The following FRMD4A variants were observed in gnomAD, a reference collection of about 807,000 sequenced individuals.
The protein encoded by FRMD4A is FERM domain containing 4A, also known as FERM domain-containing protein 4A.
In FRMD4A, 29 loss-of-function variants were observed where a neutral mutation model predicts 129.1. The observed-to-expected ratio is 0.22, with a 90% CI of 0.17 to 0.31. The LOEUF (loss-of-function observed/expected upper bound fraction) is 0.31. FRMD4A is among the 10% of genes least tolerant of loss of function. The pLI is 1.00. For missense variants in FRMD4A, 1,272 were observed against 1,375.8 expected, an observed-to-expected ratio of 0.92 and a Z score of 1.19; for synonymous variants, 634 against 571.6, an observed-to-expected ratio of 1.11 and a Z score of -1.56.
intron 12 of FRMD4A, among the ~76,000 whole-genome samples, chr10:13,713,999 C>CATATATAAAAT (rs1366210358): frequency 3.5e-5 from 1 of 28,974 alleles, no homozygotes; most frequent in African/African-American, 1.1e-4. Flanking sequence ...ATATAATATA[C>CATATATAAAAT]ATATATAATA....
chr10:13,739,865 C>T (rs1307009192), intron 11 of FRMD4A, among the ~76,000 whole-genome samples: 7 of 152,164 alleles, frequency 4.6e-5, no homozygotes, highest in Non-Finnish European at 8.8e-5. Context: ...TTTGGGAGGC[C>T]GAGGCAGGCA....
At chr10:13,992,032 A>G (rs955131309) in intron 2 of FRMD4A, 2 of 152,246 alleles carry the variant, frequency 1.3e-5, no homozygotes, top group African/African-American at 4.8e-5. Flanking sequence ...TATCTTCTAA[A>G]AGGAATTAAC....
intron 2 of FRMD4A, among the ~76,000 whole-genome samples, chr10:14,100,117 C>G (rs1837224050): frequency 6.6e-6 from 1 of 152,204 alleles, no homozygotes; most frequent in Non-Finnish European, 1.5e-5. Context: ...AGTTGTGGTG[C>G]CTGGCTGGCT....
At chr10:13,976,092 G>A (rs991640291) in intron 2 of FRMD4A, among the ~76,000 whole-genome samples, 2 of 152,166 alleles carry the variant, frequency 1.3e-5, no homozygotes, top group African/African-American at 4.8e-5. Context: ...GACAGAGTAA[G>A]GAGCAGTCAC....
intron 2 of FRMD4A, among the ~76,000 whole-genome samples, chr10:14,123,853 C>A (rs1235724503): frequency 6.6e-6 from 1 of 152,152 alleles, no homozygotes; most frequent in Admixed American, 6.5e-5. Context: ...TTGTATCTAT[C>A]TAAATGGAGT....
At chr10:14,152,077 A>G (rs372030911) in intron 2 of FRMD4A, among the ~76,000 whole-genome samples, 11 of 151,586 alleles carry the variant, frequency 7.3e-5, no homozygotes, top group African/African-American at 2.7e-4. Context: ...GCTGGAAAAT[A>G]AATAAATACA....
chr10:13,667,204 G>A (rs908606447), intron 17 of FRMD4A, among the ~76,000 whole-genome samples: 8 of 152,198 alleles, frequency 5.3e-5, no homozygotes, highest in African/African-American at 1.9e-4. Context: ...GAGCCACCAT[G>A]CCCGGCCATG....
chr10:14,302,557 C>T (rs113583401), intron 2 of FRMD4A, among the ~76,000 whole-genome samples: 3 of 152,156 alleles, frequency 2.0e-5, no homozygotes, highest in African/African-American at 7.2e-5. Flanking sequence ...ATGGAGATAA[C>T]AGGTTTTTAT....
At chr10:14,268,736 A>G (rs1270789435) in intron 2 of FRMD4A, among the ~76,000 whole-genome samples, 2 of 152,366 alleles carry the variant, frequency 1.3e-5, no homozygotes, top group Non-Finnish European at 2.9e-5. Flanking sequence ...ATGTGTATGC[A>G]TGAGACAATC....
intron 2 of FRMD4A, among the ~76,000 whole-genome samples, chr10:14,151,766 T>C (rs1329049600): frequency 6.6e-6 from 1 of 152,220 alleles, no homozygotes; most frequent in East Asian, 1.9e-4. Context: ...TTCTTGGAAA[T>C]GCTGTAGACT....
intron 2 of FRMD4A, among the ~76,000 whole-genome samples, chr10:14,206,184 G>A (rs116977739): frequency 0.021 from 3,153 of 152,278 alleles, 53 homozygotes; most frequent in Non-Finnish European, 0.036. Flanking sequence ...TAATCTAAGA[G>A]ACGCCACATA....
chr10:14,201,811 A>G (rs890627476), intron 2 of FRMD4A, among the ~76,000 whole-genome samples: 1 of 152,134 alleles, frequency 6.6e-6, no homozygotes, highest in Non-Finnish European at 1.5e-5. Context: ...AAACCATTCC[A>G]TAAAGGAAGA....
chr10:13,809,462 G>T (rs144412523), intron 4 of FRMD4A, among the ~76,000 whole-genome samples: 39 of 152,254 alleles, frequency 2.6e-4, no homozygotes, highest in Non-Finnish European at 4.9e-4. Context: ...AAAGGGGAGA[G>T]AATAATCTAC....
intron 2 of FRMD4A, among the ~76,000 whole-genome samples, chr10:14,324,390 C>T (rs1843181488): frequency 1.3e-5 from 2 of 152,118 alleles, no homozygotes. Context: ...TTCTCAGGGA[C>T]TTTTTGACAA....
intron 2 of FRMD4A, among the ~76,000 whole-genome samples, chr10:14,103,547 G>T (rs111737211): frequency 8.6e-5 from 13 of 152,036 alleles, no homozygotes; most frequent in South Asian, 2.1e-4. Flanking sequence ...TGTTTTTGTC[G>T]CAAAAGAGAA....
At chr10:14,037,836 C>A (rs1255999266) in intron 2 of FRMD4A, among the ~76,000 whole-genome samples, 1 of 152,150 alleles carries the variant, frequency 6.6e-6, no homozygotes, top group East Asian at 1.9e-4. Context: ...ATTTTTATTT[C>A]AATTGATAAT....
chr10:14,057,325 C>G (rs888357083), intron 2 of FRMD4A, among the ~76,000 whole-genome samples: 2 of 152,196 alleles, frequency 1.3e-5, no homozygotes, highest in African/African-American at 4.8e-5. Flanking sequence ...ACTTCCCCCC[C>G]ATTCAGCATA....
chr10:13,702,879 G>GT (rs1321493404), intron 13 of FRMD4A, among the ~76,000 whole-genome samples: 3 of 144,662 alleles, frequency 2.1e-5, no homozygotes, highest in African/African-American at 7.8e-5. Flanking sequence ...GTCCACACAG[G>GT]TTTTTTCTCC....
intron 2 of FRMD4A, among the ~76,000 whole-genome samples, chr10:14,204,324 G>A (rs1409957233): frequency 1.3e-5 from 2 of 152,018 alleles, no homozygotes; most frequent in African/African-American, 4.8e-5. Context: ...AGCTACTTGG[G>A]AAGCTGAGGT....
Sources: allele counts gnomAD v4.1 joint callset (sites outside exome capture counted in the v4.1 genomes callset), GRCh38; gene constraint gnomAD v4.1.1; transcripts MANE v1.5; gene names NCBI Gene and HGNC (gene_info 2026-07-23, HGNC 2026-07-21).